Variants in ANK3 observed in about 807,000 individuals in gnomAD.
ANK3 encodes the protein ankyrin 3.
In ANK3, 57 loss-of-function variants were observed where a neutral mutation model predicts 370.9. The ratio of observed to expected loss-of-function variants is 0.15; its 90% confidence interval spans 0.12 to 0.19. ANK3 has a LOEUF of 0.19. Ranked by LOEUF, ANK3 falls within the 10% of genes least tolerant of loss-of-function variation. The pLI, the probability that ANK3 is intolerant of heterozygous loss-of-function variation, is 1.00. For missense variants in ANK3, 4,439 were observed against 5,302.1 expected, an observed-to-expected ratio of 0.84 and a Z score of 5.06; for synonymous variants, 1,929 against 1,946.3, an observed-to-expected ratio of 0.99 and a Z score of 0.23.
chr10:60,335,783 C>T (rs1023876902), intron 1 of ANK3, among the ~76,000 whole-genome samples: 4 of 152,092 alleles, frequency 2.6e-5, no homozygotes, highest in African/African-American at 9.7e-5. Flanking sequence ...ATTTTTAATT[C>T]ATCTAATCCT....
intron 2 of ANK3, among the ~76,000 whole-genome samples, chr10:60,520,096 T>A (rs1031691834): frequency 6.6e-6 from 1 of 152,088 alleles, no homozygotes; most frequent in African/African-American, 2.4e-5. Flanking sequence ...GAATACTACA[T>A]AGTCATCAAA....
intron 1 of ANK3, among the ~76,000 whole-genome samples, chr10:60,361,541 C>A (rs938299449): frequency 2.0e-5 from 3 of 152,160 alleles, no homozygotes; most frequent in Non-Finnish European, 4.4e-5. Flanking sequence ...GAAAATATTT[C>A]ATCAATGTAT....
intron 40 of ANK3, chr10:60,060,702 C>A (rs1182865359): frequency 1.3e-5 from 2 of 152,054 alleles, no homozygotes; most frequent in African/African-American, 4.8e-5. Flanking sequence ...TGTACAAAAA[C>A]AGATATGACC....
chr10:60,684,244 T>C (rs1173594372), intron 1 of ANK3, among the ~76,000 whole-genome samples: 2 of 152,206 alleles, frequency 1.3e-5, no homozygotes, highest in African/African-American at 4.8e-5. Flanking sequence ...GTGGGGTCTG[T>C]TGCGTGGAGC....
At chr10:60,671,637 G>A (rs758555621) in intron 1 of ANK3, among the ~76,000 whole-genome samples, 1 of 152,168 alleles carries the variant, frequency 6.6e-6, no homozygotes, top group Non-Finnish European at 1.5e-5. Context: ...GTTCACTATT[G>A]TACCCCAGTA....
chr10:60,112,500 A>G (rs1718055160), intron 26 of ANK3, among the ~76,000 whole-genome samples: 1 of 152,210 alleles, frequency 6.6e-6, no homozygotes, highest in African/African-American at 2.4e-5. Flanking sequence ...AAAAGCCACC[A>G]TAAAGTTTAT....
intron 2 of ANK3, among the ~76,000 whole-genome samples, chr10:60,450,161 T>C (rs2064559598): frequency 1.3e-5 from 2 of 152,024 alleles, no homozygotes; most frequent in Admixed American, 1.3e-4. Flanking sequence ...CTGGTCATGG[T>C]GAAGTGCCTG....
intron 8 of ANK3, among the ~76,000 whole-genome samples, chr10:60,223,553 AAAATTACTGAGT>A (rs1212102259): frequency 6.6e-6 from 1 of 152,214 alleles, no homozygotes; most frequent in African/African-American, 2.4e-5. Context: ...TTGCCTAATA[AAAATTACTGAGT>A]AAATGAATGA....
chr10:60,571,578 A>G (rs2077601231), intron 2 of ANK3, among the ~76,000 whole-genome samples: 1 of 152,238 alleles, frequency 6.6e-6, no homozygotes. Context: ...TTTAAAATAC[A>G]GCACACATTC....
intron 7 of ANK3, among the ~76,000 whole-genome samples, chr10:60,254,232 G>GTT (rs72095634): frequency 2.0e-4 from 29 of 145,938 alleles, no homozygotes; most frequent in Non-Finnish European, 1.5e-4. Flanking sequence ...CTTTTTTATT[G>GTT]TTTTTTTTTT....
intron 25 of ANK3, among the ~76,000 whole-genome samples, chr10:60,133,942 T>G (rs2094216597): frequency 6.6e-6 from 1 of 152,034 alleles, no homozygotes; most frequent in African/African-American, 2.4e-5. Flanking sequence ...ATTCATGAGG[T>G]TAATACCAGC....
chr10:60,191,718 C>A (rs1463924609), intron 16 of ANK3, among the ~76,000 whole-genome samples: 1 of 152,072 alleles, frequency 6.6e-6, no homozygotes, highest in Non-Finnish European at 1.5e-5. Flanking sequence ...AGCAATCCTA[C>A]CACTGGTTAG....
chr10:60,181,091 T>C (rs900621588), intron 18 of ANK3, among the ~76,000 whole-genome samples: 1 of 152,178 alleles, frequency 6.6e-6, no homozygotes, highest in African/African-American at 2.4e-5. Context: ...TCAACAGTGT[T>C]AATATAGGGG....
intron 8 of ANK3, among the ~76,000 whole-genome samples, chr10:60,233,306 T>C (rs754040722): frequency 6.6e-6 from 1 of 152,222 alleles, no homozygotes; most frequent in Non-Finnish European, 1.5e-5. Flanking sequence ...GCTAGCTAAG[T>C]TTAGAATTTG....
At chr10:60,690,255 G>A (rs1222827968) in intron 1 of ANK3, among the ~76,000 whole-genome samples, 1 of 152,114 alleles carries the variant, frequency 6.6e-6, no homozygotes, top group African/African-American at 2.4e-5. Context: ...GCAGCCCAAG[G>A]AGGGCGAGCT....
chr10:60,520,070 G>A (rs887313595), intron 2 of ANK3, among the ~76,000 whole-genome samples: 4 of 151,966 alleles, frequency 2.6e-5, no homozygotes, highest in Admixed American at 6.6e-5. Flanking sequence ...CCATTTTAGC[G>A]GTACATATAC....
intron 1 of ANK3, among the ~76,000 whole-genome samples, chr10:60,363,976 T>A (rs10994316): frequency 6.9e-6 from 1 of 144,460 alleles, no homozygotes; most frequent in Admixed American, 6.9e-5. Context: ...AAGTGTTTTT[T>A]TTTTTTTTTT....
intron 2 of ANK3, among the ~76,000 whole-genome samples, chr10:60,596,370 A>G (rs557818916): frequency 2.0e-5 from 3 of 152,206 alleles, no homozygotes; most frequent in Non-Finnish European, 4.4e-5. Context: ...ATCCACTGCT[A>G]TGAACATTAA....
chr10:60,434,478 A>T (rs1361238476), intron 2 of ANK3, among the ~76,000 whole-genome samples: 1 of 152,234 alleles, frequency 6.6e-6, no homozygotes, highest in Non-Finnish European at 1.5e-5. Context: ...TTTTAATGTG[A>T]GTTATCTTCC....
Sources: allele counts gnomAD v4.1 joint callset (sites outside exome capture counted in the v4.1 genomes callset), GRCh38; gene constraint gnomAD v4.1.1; transcripts MANE v1.5; gene names NCBI Gene and HGNC (gene_info 2026-07-23, HGNC 2026-07-21).